Variants in CKMT2 observed in about 807,000 individuals in gnomAD.
The protein encoded by CKMT2 is creatine kinase, mitochondrial 2, also known as creatine kinase S-type, mitochondrial.
Under a neutral mutation model 48.9 loss-of-function variants are expected in CKMT2, and 43 were observed. That is an observed-to-expected ratio of 0.88 (90% CI 0.69 to 1.13). CKMT2 has a LOEUF of 1.13. CKMT2 is among the 50% of genes most tolerant of loss of function. The probability of loss-of-function intolerance (pLI) is 0.00; values close to 1 mark genes in which losing one functional copy is unlikely to be tolerated. For synonymous variants in CKMT2, 206 were observed against 213.0 expected (o/e 0.97, Z 0.29); for missense variants, 472 against 555.4 (o/e 0.85, Z 1.51).
chr5:81,257,124 A>G, intron 6 of CKMT2, 124 bp downstream of exon 6: 1 of 667,018 alleles, frequency 1.5e-6, no homozygotes, highest in Non-Finnish European at 2.6e-6. Context: ...AGCTAAATGG[A>G]AAAAGACTAC....
At chr5:81,243,998 TATG>T in intron 1 of CKMT2, 1 of 982,796 alleles carries the variant, frequency 1.0e-6, no homozygotes, top group Non-Finnish European at 1.2e-6. Flanking sequence ...CAGTCCCTAA[TATG>T]ATCTTATTTA....
At chr5:81,265,691 A>C (rs1757362883) in intron 9 of CKMT2, among the ~76,000 whole-genome samples, 1 of 152,164 alleles carries the variant, frequency 6.6e-6, no homozygotes. Flanking sequence ...TAGTTGCCAA[A>C]CATTTGACAT....
intron 5 of CKMT2, among the ~76,000 whole-genome samples, chr5:81,256,641 C>T (rs1270748988): frequency 6.6e-6 from 1 of 152,186 alleles, no homozygotes; most frequent in East Asian, 1.9e-4. Context: ...TCCAAATGGA[C>T]TAACCCAGTG....
chr5:81,264,774 A>T (rs1004497709), intron 9 of CKMT2, among the ~76,000 whole-genome samples: 2 of 152,220 alleles, frequency 1.3e-5, no homozygotes, highest in African/African-American at 2.4e-5. Context: ...AAAATAATTT[A>T]AAAACACCAT....
chr5:81,254,876 G>A (rs573858106), intron 4 of CKMT2, 117 bp from the exon 5 acceptor site: 21 of 837,070 alleles, frequency 2.5e-5, no homozygotes, highest in African/African-American at 1.0e-4. Context: ...TTGTGCAGTC[G>A]TGCACAGTGC....
In CKMT2 at chr5:81,244,122, G is replaced by A. The variant is rs191734296; in HGVS notation, c.-20-6991G>A. 568 of 985,368 alleles carry A rather than the reference G, an allele frequency of 5.8e-4. 5 individuals carry two copies. The African/African-American group carries it at 8.5e-3, about 15-fold the overall frequency. The allele number at this position is 985,368 out of a possible 1,614,324, so 61.0% of individuals were successfully genotyped here. ...CCAGGGGAGATGTCAACCGTCTGCC[G>A]GTGACTGGGAAGTTTTCTGCAAGTC... On this transcript the variant is annotated intron_variant, in intron 1 of 9. Transcript: ENST00000254035.
intron 1 of CKMT2, chr5:81,235,853 A>T (rs1756228836): frequency 6.6e-6 from 1 of 152,322 alleles, no homozygotes; most frequent in African/African-American, 2.4e-5. Context: ...GCACCTCCCC[A>T]TCGCTCCAAA....
intron 8 of CKMT2, among the ~76,000 whole-genome samples, chr5:81,261,941 A>G (rs1444101460): frequency 6.6e-6 from 1 of 152,234 alleles, no homozygotes; most frequent in Admixed American, 6.5e-5. Context: ...ACTTCAAACT[A>G]TACTACAAGG....
chr5:81,252,410 G>A (rs184538625), intron 2 of CKMT2: 135 of 452,552 alleles, frequency 3.0e-4, no homozygotes, highest in South Asian at 1.6e-3. Flanking sequence ...TCCAGGGTAA[G>A]ACAGCACCCA....
At chr5:81,242,116 G>T (rs1756457295) in intron 1 of CKMT2, among the ~76,000 whole-genome samples, 1 of 152,186 alleles carries the variant, frequency 6.6e-6, no homozygotes, top group Non-Finnish European at 1.5e-5. Flanking sequence ...GCCTGTCATG[G>T]TCAAACGGTC....
At chr5:81,261,366 A>G (rs1441814141) in intron 8 of CKMT2, among the ~76,000 whole-genome samples, 1 of 152,198 alleles carries the variant, frequency 6.6e-6, no homozygotes, top group Non-Finnish European at 1.5e-5. Context: ...CAATCAGGCA[A>G]GAGAAAGAAA....
Position 81,257,779 on chromosome 5 carries a change from C to T in CKMT2, c.802C>T (p.His268Tyr). Reference sequence around the variant, plus strand: ...TCTCATCTGGATAAATGAGGAGGATCACACCAGGGTAATCTCAATGGAAAA... The same window carrying T: ...TCTCATCTGGATAAATGAGGAGGATTACACCAGGGTAATCTCAATGGAAAA... ...TFLIWINEEDHTRVISMEKGG... is the reference protein window; with the variant it reads ...TFLIWINEEDYTRVISMEKGG... Residue 268 changes from histidine (H) to tyrosine (Y), a missense_variant, in exon 7 of 10, where the codon CAC becomes TAC. His to Tyr is a moderately conservative substitution (Grantham distance 83). Transcript: ENST00000254035. 1 of 1,612,352 alleles carries T rather than the reference C, an allele frequency of 6.2e-7. No homozygotes were observed. The highest frequency in any genetic ancestry group is 1.1e-5 in the South Asian group (1 of 91,020).
chr5:81,236,547 G>A (rs1396273339), intron 1 of CKMT2, among the ~76,000 whole-genome samples: 4 of 152,150 alleles, frequency 2.6e-5, no homozygotes, highest in African/African-American at 7.2e-5. Flanking sequence ...CTCATGATAG[G>A]AGCTCATAAA....
chr5:81,256,965 G>A lies in CKMT2; in HGVS notation c.720G>A (p.Gly240=). ...KPVSPLLTCA[G]MARDWPDARG... ...TGTCCCCTTTATTAACATGTGCTGGGATGGCCCGTGACTGGCCAGATGCCA... is the reference window on the plus strand; with the variant it reads ...TGTCCCCTTTATTAACATGTGCTGGAATGGCCCGTGACTGGCCAGATGCCA... The change falls in exon 6 of 10, where the codon GGG becomes GGA. Residue 240 remains glycine, a synonymous_variant. Coordinates refer to ENST00000254035, the MANE Select transcript of CKMT2 (RefSeq NM_001099735.2). 6.2e-7 allele frequency: 1 copy of A among 1,614,090 alleles called. No homozygotes were observed. The highest frequency in any genetic ancestry group is 8.5e-7 in the Non-Finnish European group (1 of 1,179,984).
At chr5:81,236,799 A>G (rs963520466) in intron 1 of CKMT2, among the ~76,000 whole-genome samples, 1 of 152,236 alleles carries the variant, frequency 6.6e-6, no homozygotes, top group Admixed American at 6.5e-5. Context: ...GATGATCAGT[A>G]GATCTGAAAG....
At chr5:81,262,468 G>A (rs929073156) in intron 8 of CKMT2, among the ~76,000 whole-genome samples, 6 of 151,764 alleles carry the variant, frequency 4.0e-5, no homozygotes, top group African/African-American at 1.2e-4. Context: ...AATCTAAAAG[G>A]AACTTAAACA....
chr5:81,248,165 T>C (rs1385620652), intron 1 of CKMT2, among the ~76,000 whole-genome samples: 1 of 152,160 alleles, frequency 6.6e-6, no homozygotes, highest in Non-Finnish European at 1.5e-5. Flanking sequence ...AGATTTATCA[T>C]CTCAGACACT....
chr5:81,253,404 G>A (rs112507271), intron 3 of CKMT2, among the ~76,000 whole-genome samples: 12 of 152,140 alleles, frequency 7.9e-5, no homozygotes, highest in Non-Finnish European at 1.3e-4. Context: ...AAGTCTCTTG[G>A]ATAAATCCCA....
chr5:81,257,987 C>T (rs1410502323), intron 7 of CKMT2, 131 bp downstream of exon 7: 1 of 812,982 alleles, frequency 1.2e-6, no homozygotes, highest in Non-Finnish European at 1.8e-6. Context: ...GCAACTGCCG[C>T]CTCCCAGGTT....
Sources: allele counts gnomAD v4.1 joint callset (sites outside exome capture counted in the v4.1 genomes callset), GRCh38; gene constraint gnomAD v4.1.1; transcripts MANE v1.5; gene names NCBI Gene and HGNC (gene_info 2026-07-23, HGNC 2026-07-21).